MLPH: variants seen among roughly 807,000 people sequenced by gnomAD.
The protein encoded by MLPH is exophilin-3.
MLPH carries 51 observed loss-of-function variants against 72.1 expected under a neutral mutation model. The observed-to-expected ratio is 0.71, with a 90% CI of 0.56 to 0.89. The LOEUF (loss-of-function observed/expected upper bound fraction) is 0.89, where lower values mean the gene tolerates loss of function less well. Among genes scored for constraint, MLPH ranks in the 40% least tolerant of loss-of-function variants. The probability of loss-of-function intolerance (pLI) is 0.00; values close to 1 mark genes in which losing one functional copy is unlikely to be tolerated. For synonymous variants in MLPH, 301 were observed against 310.1 expected (o/e 0.97, Z 0.31); for missense variants, 743 against 759.9 (o/e 0.98, Z 0.26).
intron 6 of MLPH, among the ~76,000 whole-genome samples, chr2:237,524,302 A>AATATAT (rs139706602): frequency 0.11 from 14,182 of 127,188 alleles, 1,116 homozygotes; most frequent in Non-Finnish European, 0.14. Context: ...GAACTAATAG[A>AATATAT]ATATATATAT....
At chr2:237,548,793 G>A (rs565941075) in intron 13 of MLPH, among the ~76,000 whole-genome samples, 4 of 152,316 alleles carry the variant, frequency 2.6e-5, no homozygotes, top group East Asian at 3.9e-4. Context: ...GCGAGAGAAT[G>A]GCATAAACCC....
chr2:237,521,013 C>T (rs996118153), intron 6 of MLPH, among the ~76,000 whole-genome samples: 12 of 152,120 alleles, frequency 7.9e-5, no homozygotes, highest in Non-Finnish European at 1.8e-4. Context: ...GGTGTTTACA[C>T]CTAGGGCTGC....
At chr2:237,522,340 A>G (rs897790737) in intron 6 of MLPH, among the ~76,000 whole-genome samples, 7 of 105,846 alleles carry the variant, frequency 6.6e-5, no homozygotes, top group Non-Finnish European at 1.4e-4. Context: ...CACCTGTTAC[A>G]ACTATAGTGC....
intron 13 of MLPH, among the ~76,000 whole-genome samples, chr2:237,547,186 CA>C (rs2080939140): frequency 6.6e-6 from 1 of 152,258 alleles, no homozygotes; most frequent in African/African-American, 2.4e-5. Context: ...GGACTTCTTC[CA>C]TCTGGGAGAC....
At chr2:237,531,587 T>C (rs527563822) in intron 8 of MLPH, among the ~76,000 whole-genome samples, 1 of 152,250 alleles carries the variant, frequency 6.6e-6, no homozygotes, top group African/African-American at 2.4e-5. Context: ...TATACCTGCT[T>C]GGAATTATTC....
At chr2:237,553,250 T>G (rs927361507) in intron 15 of MLPH, 27 of 517,366 alleles carry the variant, frequency 5.2e-5, no homozygotes, top group African/African-American at 4.6e-4. Context: ...CATTTTCATC[T>G]GAGATGCAGT....
chr2:237,519,790 G>C (rs901839068), intron 5 of MLPH, 120 bp from the exon 6 acceptor site: 1 of 1,415,524 alleles, frequency 7.1e-7, no homozygotes, highest in Non-Finnish European at 9.9e-7. Flanking sequence ...GATGTGCTGG[G>C]AGAGGAGCCT....
At chr2:237,493,015 G>A (rs374458478) in intron 1 of MLPH, among the ~76,000 whole-genome samples, 1 of 152,138 alleles carries the variant, frequency 6.6e-6, no homozygotes, top group Non-Finnish European at 1.5e-5. Flanking sequence ...GAAACTTAAG[G>A]CGAGAAGCCT....
Position 237,528,040 on chromosome 2 carries a change from G to A in MLPH, c.1020+524G>A, listed in dbSNP as rs543456030. 1.6e-4 allele frequency among the ~76,000 whole-genome samples: 25 copies of A among 152,310 alleles called. No homozygotes were observed. The South Asian group carries it at 5.0e-3, about 30-fold the overall frequency. ...AATAAACCAGTCACTCTGGACACAT[G>A]CTATATGGTTCCACTTAACCTGAGG... On this transcript the variant is annotated intron_variant, in intron 8 of 15. Transcript: ENST00000264605.
At chr2:237,522,952 A>T (rs1178044304) in intron 6 of MLPH, among the ~76,000 whole-genome samples, 1 of 152,136 alleles carries the variant, frequency 6.6e-6, no homozygotes, top group African/African-American at 2.4e-5. Context: ...TAAGAAAGAC[A>T]TGAGTCCTAC....
chr2:237,511,044 A>G lies in MLPH; in HGVS notation c.388A>G (p.Lys130Glu), dbSNP rs777324912. ...WYYEHVKARF[K>E]RFGSAKVIRS... Reference sequence around the variant, plus strand: ...CTATGAGCATGTGAAAGCCCGCTTCAAGAGGTTCGGAAGTGCCAAGGTCAT... The same window carrying G: ...CTATGAGCATGTGAAAGCCCGCTTCGAGAGGTTCGGAAGTGCCAAGGTCAT... Residue 130 changes from lysine (K) to glutamate (E), a missense_variant, in exon 4 of 16, where the codon AAG (lysine) becomes GAG (glutamate). Coordinates refer to ENST00000264605, the MANE Select transcript of MLPH (RefSeq NM_024101.7). 1 of 1,614,048 alleles carries G rather than the reference A, an allele frequency of 6.2e-7. No individual in the cohort carries two copies. The highest frequency in any genetic ancestry group is 1.1e-5 in the South Asian group (1 of 91,086).
chr2:237,496,430 C>T (rs1334749704), intron 2 of MLPH, among the ~76,000 whole-genome samples: 2 of 152,164 alleles, frequency 1.3e-5, no homozygotes, highest in East Asian at 3.9e-4. Context: ...CCTTCTGACA[C>T]CCGTCTTTCC....
rs187184956 is a variant in MLPH, at chr2:237,509,118, C to T, written c.111-1456C>T. 1.6e-3 allele frequency among the ~76,000 whole-genome samples: 237 copies of T among 152,272 alleles called. 2 individuals carry two copies. Among genetic ancestry groups the T allele is most frequent in the African/African-American group, 5.6e-3 (232 of 41,546 alleles). On this transcript the variant is annotated intron_variant, in intron 2 of 15. Coordinates refer to ENST00000264605, the MANE Select transcript of MLPH (RefSeq NM_024101.7). ...GTGGCTGGCAGATGTCATTTGGTCT[C>T]CCCAAATGGAGTCTTCTCTGCCCTC...
chr2:237,538,909 G>A (rs573203196), intron 9 of MLPH, among the ~76,000 whole-genome samples: 11 of 152,226 alleles, frequency 7.2e-5, no homozygotes, highest in Non-Finnish European at 1.3e-4. Flanking sequence ...CTCACTGAGC[G>A]TGGGATTTGC....
At chr2:237,553,509 T>C (rs1004821636) in intron 15 of MLPH, 57 bp from the exon 16 acceptor site, 1 of 1,527,526 alleles carries the variant, frequency 6.5e-7, no homozygotes, top group Admixed American at 1.7e-5. Flanking sequence ...TGTGTGTCTG[T>C]GTTACATGCC....
chr2:237,554,100 A>C lies in MLPH; in HGVS notation c.*508A>C. 1 of 281,982 alleles carries C rather than the reference A, an allele frequency of 3.5e-6. No individual in the cohort carries two copies. The highest frequency in any genetic ancestry group is 7.0e-6 in the Non-Finnish European group (1 of 143,708). 17.5% of individuals were successfully genotyped at this position (281,982 alleles called of 1,614,324 possible). A position where few individuals can be genotyped will look rare whatever the true frequency, so the allele number is the denominator to read the frequency against. On this transcript the variant is annotated 3_prime_UTR_variant, in exon 16 of 16. Transcript: ENST00000264605. Reference sequence around the variant, plus strand: ...GACATCCGGACAAGTGACTGAACTAATGATCTGCTGAATAATGAAGGAGGA... The same window carrying C: ...GACATCCGGACAAGTGACTGAACTACTGATCTGCTGAATAATGAAGGAGGA...
chr2:237,501,353 A>T (rs2079642943), intron 2 of MLPH, among the ~76,000 whole-genome samples: 1 of 152,180 alleles, frequency 6.6e-6, no homozygotes, highest in Non-Finnish European at 1.5e-5. Flanking sequence ...CCCATGCACA[A>T]GTGAGAAACT....
chr2:237,521,508 T>G (rs1291755390), intron 6 of MLPH, among the ~76,000 whole-genome samples: 5 of 152,162 alleles, frequency 3.3e-5, no homozygotes, highest in African/African-American at 1.2e-4. Context: ...GGTGCAGATG[T>G]GAAGGAATGC....
intron 1 of MLPH, among the ~76,000 whole-genome samples, chr2:237,488,049 CAGGA>C (rs1270474930): frequency 1.4e-4 from 21 of 152,200 alleles, no homozygotes; most frequent in Non-Finnish European, 2.6e-4. Context: ...CAAGTCCCTA[CAGGA>C]ACGGAATCTC....
Sources: gnomAD v4.1 joint callset for allele counts (sites outside exome capture counted in the v4.1 genomes callset) on GRCh38, gnomAD v4.1.1 for gene constraint, MANE v1.5 for transcripts, NCBI Gene and HGNC (gene_info 2026-07-23, HGNC 2026-07-21) for gene names.